Variants in SNTG2 observed in about 807,000 individuals in gnomAD.
SNTG2 encodes the protein gamma-2-syntrophin.
Under a neutral mutation model 70.9 loss-of-function variants are expected in SNTG2, and 74 were observed. The observed-to-expected ratio is 1.04, with a 90% CI of 0.86 to 1.27. The LOEUF is 1.27. Among genes scored for constraint, SNTG2 ranks in the 50% most tolerant of loss-of-function variants. SNTG2 has a pLI of 0.00. For synonymous variants in SNTG2, 278 were observed against 273.8 expected, an observed-to-expected ratio of 1.02 and a Z score of -0.15; for missense variants, 717 against 690.7, an observed-to-expected ratio of 1.04 and a Z score of -0.43.
At chr2:1,054,954 T>TTTTTG (rs564811256) in intron 1 of SNTG2, among the ~76,000 whole-genome samples, 2,588 of 150,024 alleles carry the variant, frequency 0.017, 85 homozygotes, top group African/African-American at 0.061. Context: ...TTTGTTTTTG[T>TTTTTG]TTTTTTTTCC....
At chr2:1,234,377 G>GT (rs1286138966) in intron 9 of SNTG2, among the ~76,000 whole-genome samples, 1 of 152,178 alleles carries the variant, frequency 6.6e-6, no homozygotes, top group African/African-American at 2.4e-5. Context: ...AACTTTCACA[G>GT]TTTCTGTTCA....
intron 9 of SNTG2, among the ~76,000 whole-genome samples, chr2:1,235,973 T>A (rs928994473): frequency 6.6e-6 from 1 of 152,182 alleles, no homozygotes; most frequent in African/African-American, 2.4e-5. Flanking sequence ...TGTAGCTCAA[T>A]GTAAAATATG....
At position 1,097,990 on chromosome 2, in the gene SNTG2, ATTC is replaced by A. The variant is rs1665505369; in HGVS notation, c.211-203_211-201del. ...TCAGACAATGCCTGGAATGGGGCCTATTCTTTATCACTGTCTTCGTTTTCATAC... is the reference window on the plus strand; with the variant it reads ...TCAGACAATGCCTGGAATGGGGCCTATTTATCACTGTCTTCGTTTTCATAC... On this transcript the variant is annotated intron_variant, in intron 2 of 16. Transcript: ENST00000308624. This position sits in a 1 kb window ranked among gnomAD's most constrained non-coding sequence, Gnocchi z 4.1. Among the ~76,000 whole-genome samples the A allele has an allele frequency of 6.6e-6, 1 of 152,060 alleles. No homozygotes were observed. The highest frequency in any genetic ancestry group is 2.4e-5 in the African/African-American group (1 of 41,416).
At chr2:1,117,690 G>C (rs912894534) in intron 4 of SNTG2, among the ~76,000 whole-genome samples, 1 of 152,212 alleles carries the variant, frequency 6.6e-6, no homozygotes, top group African/African-American at 2.4e-5. Flanking sequence ...CAGAGTTCAA[G>C]CTACAGAGGT....
chr2:1,028,767 C>T (rs901807326), intron 1 of SNTG2, among the ~76,000 whole-genome samples: 1 of 148,292 alleles, frequency 6.7e-6, no homozygotes, highest in African/African-American at 2.5e-5. Flanking sequence ...ATGCTAATCA[C>T]ATTTGCATGA....
chr2:1,127,707 G>A (rs966226312), intron 4 of SNTG2, among the ~76,000 whole-genome samples: 6 of 152,002 alleles, frequency 3.9e-5, no homozygotes, highest in African/African-American at 1.4e-4. Context: ...GTGTATGTGT[G>A]TATGTGTGTG....
intron 1 of SNTG2, among the ~76,000 whole-genome samples, chr2:1,022,245 CGTTCCCATGAATCCCTTT>C (rs796733093): frequency 1.3e-4 from 19 of 151,760 alleles, no homozygotes; most frequent in African/African-American, 4.6e-4. Flanking sequence ...TGAGTCCCTG[CGTTCCCATGAATCCCTTT>C]GTTCCCATAA....
At chr2:986,504 G>T (rs1303517022) in intron 1 of SNTG2, among the ~76,000 whole-genome samples, 1 of 152,184 alleles carries the variant, frequency 6.6e-6, no homozygotes, top group Non-Finnish European at 1.5e-5. Flanking sequence ...AGGTTGTCAT[G>T]GTTAGTTAAA....
chr2:1,137,094 G>A (rs929565548), intron 4 of SNTG2, among the ~76,000 whole-genome samples: 6 of 152,184 alleles, frequency 3.9e-5, no homozygotes, highest in Non-Finnish European at 5.9e-5. Flanking sequence ...CTTAATGCAC[G>A]TAAATCAATC....
At chr2:1,312,893 C>T (rs561216900) in intron 15 of SNTG2, among the ~76,000 whole-genome samples, 12 of 152,230 alleles carry the variant, frequency 7.9e-5, no homozygotes, top group South Asian at 4.1e-4. Context: ...TTGTGGAAGA[C>T]GAAGTGCAGA....
intron 14 of SNTG2, among the ~76,000 whole-genome samples, chr2:1,300,025 A>G (rs1680382505): frequency 6.6e-6 from 1 of 151,982 alleles, no homozygotes; most frequent in South Asian, 2.1e-4. Flanking sequence ...GGTGCCTCAA[A>G]CGAGGGCACT....
At chr2:1,329,030 CT>C (rs1681878952) in intron 16 of SNTG2, among the ~76,000 whole-genome samples, 2 of 152,136 alleles carry the variant, frequency 1.3e-5, no homozygotes, top group African/African-American at 4.8e-5. Context: ...TGACTACAGA[CT>C]CTTAAAAAAT....
chr2:1,106,203 T>G (rs1230968875), intron 4 of SNTG2, among the ~76,000 whole-genome samples: 1 of 108,168 alleles, frequency 9.2e-6, no homozygotes, highest in African/African-American at 3.7e-5. Flanking sequence ...GGGTTCAGGG[T>G]ATGGAGAGCT....
chr2:1,015,256 A>G (rs924238630), intron 1 of SNTG2, among the ~76,000 whole-genome samples: 20 of 152,122 alleles, frequency 1.3e-4, no homozygotes, highest in East Asian at 5.8e-4. Context: ...AAGAGCCTCA[A>G]ATGGATTCAA....
intron 2 of SNTG2, among the ~76,000 whole-genome samples, chr2:1,085,179 TG>T (rs1664602670): frequency 6.6e-6 from 1 of 152,010 alleles, no homozygotes; most frequent in African/African-American, 2.4e-5. Flanking sequence ...CTAATAAGAG[TG>T]GGCTTGAGCA....
At chr2:1,362,118 AGCATTTCAGTAGAACTTCCACGAAGGT>A (rs1661198528) in intron 16 of SNTG2, among the ~76,000 whole-genome samples, 1 of 152,172 alleles carries the variant, frequency 6.6e-6, no homozygotes, top group Non-Finnish European at 1.5e-5. Context: ...ACTGATGCTG[AGCATTTCAGTAGAACTTCCACGAAGGT>A]CACCGACCCT....
At chr2:1,109,141 C>T (rs558633791) in intron 4 of SNTG2, among the ~76,000 whole-genome samples, 39 of 152,212 alleles carry the variant, frequency 2.6e-4, no homozygotes, top group African/African-American at 9.2e-4. Context: ...ACAGCTTCAT[C>T]ATGACATGTC....
chr2:1,230,932 C>T (rs112142609), intron 9 of SNTG2, among the ~76,000 whole-genome samples: 58 of 149,386 alleles, frequency 3.9e-4, no homozygotes, highest in African/African-American at 1.3e-3. Flanking sequence ...GAAATAGATC[C>T]GAAACGTAAG....
intron 1 of SNTG2, among the ~76,000 whole-genome samples, chr2:971,290 T>C (rs1320957122): frequency 3.3e-5 from 5 of 150,186 alleles, no homozygotes; most frequent in Non-Finnish European, 6.0e-5. Flanking sequence ...TTGATAGGCT[T>C]TTATTGTTTG....
Sources: gnomAD v4.1 joint callset for allele counts (sites outside exome capture counted in the v4.1 genomes callset) on GRCh38, gnomAD v4.1.1 for gene constraint, Gnocchi (gnomAD v3.1) non-coding constraint, MANE v1.5 for transcripts, NCBI Gene and HGNC (gene_info 2026-07-23, HGNC 2026-07-21) for gene names.